The following HDLBP variants were observed in gnomAD, a reference collection of about 807,000 sequenced individuals.
The protein encoded by HDLBP is high density lipoprotein binding protein.
In HDLBP, 30 loss-of-function variants were observed where a neutral mutation model predicts 137.3. The ratio of observed to expected loss-of-function variants is 0.22; its 90% confidence interval spans 0.16 to 0.30. The LOEUF is 0.30. Ranked by LOEUF, HDLBP falls within the 10% of genes least tolerant of loss-of-function variation. The pLI is 1.00. For synonymous variants in HDLBP, 606 were observed against 596.0 expected, an observed-to-expected ratio of 1.02 and a Z score of -0.24; for missense variants, 1,119 against 1,667.3, an observed-to-expected ratio of 0.67 and a Z score of 5.73.
chr2:241,281,253 C>G (rs1321350082), intron 1 of HDLBP, among the ~76,000 whole-genome samples: 1 of 152,142 alleles, frequency 6.6e-6, no homozygotes, highest in Non-Finnish European at 1.5e-5. Context: ...ACTCGGGAGG[C>G]TGAGGTGGGA....
Position 241,240,154 on chromosome 2 carries a change from A to T in HDLBP, c.2170-32T>A. 6.2e-7 allele frequency: 1 copy of T among 1,602,946 alleles called. No individual in the cohort carries two copies. The highest frequency in any genetic ancestry group is 8.5e-7 in the Non-Finnish European group (1 of 1,169,788). On this transcript the variant is annotated intron_variant, in intron 17 of 27. Coordinates refer to ENST00000310931, the MANE Select transcript of HDLBP (RefSeq NM_005336.6). The surrounding 1 kb of genome is among the most constrained non-coding windows in gnomAD (Gnocchi z 5.5). ...AAACCAATCCCACTGTGTTAGCCTGACACCACGTGCCTGGACCACAGTGAG... is the reference window on the plus strand; with the variant it reads ...AAACCAATCCCACTGTGTTAGCCTGTCACCACGTGCCTGGACCACAGTGAG...
At position 241,235,199 on chromosome 2, in the gene HDLBP, G is replaced by A. The variant is rs774701072; in HGVS notation, c.3066C>T (p.Gly1022=). The A allele has an allele frequency of 1.2e-6, 2 of 1,614,216 alleles. No individual in the cohort carries two copies. The highest frequency in any genetic ancestry group is 1.7e-6 in the Non-Finnish European group (2 of 1,180,042). ...ELQSDIIAIT[G]LAANLDRAKA... ...TGGCCCGGTCCAAATTTGCAGCGAG[G>A]CCCGTGATGGCGATGATGTCAGACT... Residue 1022 remains glycine (G), a synonymous_variant, in exon 23 of 28, where the codon GGC becomes GGT. Coordinates refer to ENST00000310931, the MANE Select transcript of HDLBP (RefSeq NM_005336.6).
intron 11 of HDLBP, among the ~76,000 whole-genome samples, chr2:241,251,759 A>G (rs1416911495): frequency 6.6e-6 from 1 of 151,852 alleles, no homozygotes; most frequent in Non-Finnish European, 1.5e-5. Context: ...CAGATCAACT[A>G]AGGTCAGCAG....
intron 1 of HDLBP, among the ~76,000 whole-genome samples, chr2:241,293,022 G>A (rs375415427): frequency 1.1e-4 from 17 of 148,654 alleles, no homozygotes; most frequent in South Asian, 4.3e-4. Context: ...GCGAGACCCC[G>A]TCTCAGAAAA....
At chr2:241,249,645 T>TG (rs2071962005) in intron 12 of HDLBP, among the ~76,000 whole-genome samples, 196 bp downstream of exon 12, 2 of 152,330 alleles carry the variant, frequency 1.3e-5, no homozygotes, top group African/African-American at 4.8e-5. Flanking sequence ...CACACAGCCA[T>TG]GGAGAACAAG....
In HDLBP at chr2:241,300,241, C is replaced by T. The variant is rs1344067980; in HGVS notation, c.-103+15329G>A. On this transcript the variant is annotated intron_variant, in intron 1 of 27. Transcript: ENST00000310931. ...CCAGTTCTTCCTAGTAGAAGGCGGGCGCCCCCCGGTGCTCCATCTGGGCCA... is the reference window on the plus strand; with the variant it reads ...CCAGTTCTTCCTAGTAGAAGGCGGGTGCCCCCCGGTGCTCCATCTGGGCCA... 2.6e-5 allele frequency among the ~76,000 whole-genome samples: 4 copies of T among 152,054 alleles called. No individual in the cohort carries two copies. In the South Asian group the frequency reaches 6.2e-4, roughly 24 times the overall value.
At chr2:241,257,628 A>G (rs1287240404) in intron 5 of HDLBP, among the ~76,000 whole-genome samples, 1 of 152,234 alleles carries the variant, frequency 6.6e-6, no homozygotes, top group Non-Finnish European at 1.5e-5. Context: ...TGCATTCGAA[A>G]TTAGAAAACA....
intron 9 of HDLBP, among the ~76,000 whole-genome samples, chr2:241,254,053 G>C (rs1473380464): frequency 6.6e-6 from 1 of 152,096 alleles, no homozygotes; most frequent in African/African-American, 2.4e-5. Flanking sequence ...GGGAGGCTGA[G>C]GTAGGAGGAC....
chr2:241,285,367 G>A (rs914071257), intron 1 of HDLBP, among the ~76,000 whole-genome samples: 1 of 152,208 alleles, frequency 6.6e-6, no homozygotes, highest in African/African-American at 2.4e-5. Flanking sequence ...TTTTTGTAGA[G>A]TCAGAAGATT....
At position 241,255,562 on chromosome 2, in the gene HDLBP, T is replaced by C. The variant is rs1262602197; in HGVS notation, c.892A>G (p.Ile298Val). ...TGGGATTTCTTCACTTCCACTGCAA[T>C]GGTTGTAGTCTTCTTTTTCTAAATA... is the stretch of plus-strand genomic sequence containing the variant. ...YEEKKKKTTT[I>V]AVEVKKSQHK... Residue 298 changes from isoleucine (I) to valine (V), a missense_variant, in exon 8 of 28, where the codon ATT (isoleucine) becomes GTT (valine). Physicochemically the swap from Ile to Val is conservative, Grantham distance 29. Around this residue, in one of 4 missense-constraint regions of HDLBP, gnomAD observed 425 missense variants for 693.9 expected, o/e 0.61. Coordinates refer to ENST00000310931, the MANE Select transcript of HDLBP (RefSeq NM_005336.6). The C allele has an allele frequency of 6.2e-7, 1 of 1,613,408 alleles. No homozygotes were observed. The highest frequency in any genetic ancestry group is 8.5e-7 in the Non-Finnish European group (1 of 1,179,330).
intron 4 of HDLBP, among the ~76,000 whole-genome samples, chr2:241,264,139 G>A (rs185995976): frequency 6.6e-6 from 1 of 151,908 alleles, no homozygotes; most frequent in Non-Finnish European, 1.5e-5. Flanking sequence ...CGAGGAAGGC[G>A]GATCACGAGG....
At chr2:241,250,213 A>C (rs2072016940) in intron 11 of HDLBP, 2 of 403,884 alleles carry the variant, frequency 5.0e-6, no homozygotes, top group Non-Finnish European at 8.8e-6. Flanking sequence ...CTGGACCAGA[A>C]GCTGGAAATG....
chr2:241,236,488 G>GC (rs2070466104), intron 21 of HDLBP, 127 bp downstream of exon 21: 3 of 930,848 alleles, frequency 3.2e-6, no homozygotes, highest in Non-Finnish European at 5.1e-6. Context: ...CACGGTAGGA[G>GC]CAAGAGGGCT....
In HDLBP at chr2:241,248,298, T is replaced by C; in HGVS notation, c.1563A>G (p.Thr521=). The C allele has an allele frequency of 6.2e-7, 1 of 1,614,178 alleles. No homozygotes were observed. Among genetic ancestry groups the C allele is most frequent in the Non-Finnish European group, 8.5e-7 (1 of 1,179,996 alleles). ...DLIIEQRFHR[T]IIGQKGERIR... ...TCCGTTCACCCTTCTGCCCAATGAT[T>C]GTGCGATGAAATCTTTGCTCAATGA... Residue 521 remains threonine (T), a synonymous_variant, in exon 13 of 28, where the codon ACA becomes ACG. Coordinates refer to ENST00000310931, the MANE Select transcript of HDLBP (RefSeq NM_005336.6).
chr2:241,256,125 G>T, intron 7 of HDLBP, 59 bp downstream of exon 7: 3 of 1,440,940 alleles, frequency 2.1e-6, no homozygotes, highest in Non-Finnish European at 2.9e-6. Flanking sequence ...TGAATCTCCA[G>T]ACCCAAATCC....
intron 3 of HDLBP, 98 bp downstream of exon 3, chr2:241,266,696 C>T: frequency 1.2e-6 from 1 of 850,042 alleles, no homozygotes; most frequent in Non-Finnish European, 2.0e-6. Context: ...ACCACAGGGC[C>T]AAAAGGTACT....
chr2:241,249,634 G>GCA (rs2071959904), intron 12 of HDLBP, among the ~76,000 whole-genome samples: 1 of 152,280 alleles, frequency 6.6e-6, no homozygotes, highest in Non-Finnish European at 1.5e-5. Flanking sequence ...TTCTAGCACA[G>GCA]CACACAGCCA....
chr2:241,267,519 A>C, intron 2 of HDLBP: 1 of 1,479,466 alleles, frequency 6.8e-7, no homozygotes, highest in Non-Finnish European at 9.1e-7. Context: ...ATAGATCAAC[A>C]CCAGGATCGT....
chr2:241,255,598 A>G lies in HDLBP; in HGVS notation c.874-18T>C. On this transcript the variant is annotated intron_variant, in intron 7 of 27. Transcript: ENST00000310931. ...TTCTTTTTCTAAATAAGAGCACCATAAGGGGCAGTCAAAGGGAAAGGTGTG... is the reference window on the plus strand; with the variant it reads ...TTCTTTTTCTAAATAAGAGCACCATGAGGGGCAGTCAAAGGGAAAGGTGTG... 6.2e-7 allele frequency: 1 copy of G among 1,600,952 alleles called. No individual in the cohort carries two copies. Among genetic ancestry groups the G allele is most frequent in the Middle Eastern group, 1.7e-4 (1 of 6,034 alleles).
Sources: allele counts gnomAD v4.1 joint callset (sites outside exome capture counted in the v4.1 genomes callset), GRCh38; gene constraint gnomAD v4.1.1; regional missense constraint gnomAD v4.1.1; non-coding constraint Gnocchi (gnomAD v3.1); transcripts MANE v1.5; gene names NCBI Gene and HGNC (gene_info 2026-07-23, HGNC 2026-07-21).